Variants in STAU2 observed in about 807,000 individuals in gnomAD.
STAU2 encodes double-stranded RNA-binding protein Staufen homolog 2.
In STAU2, 20 loss-of-function variants were observed where a neutral mutation model predicts 65.9. That is an observed-to-expected ratio of 0.30 (90% CI 0.21 to 0.44). The LOEUF is 0.44. Among genes scored for constraint, STAU2 ranks in the 20% least tolerant of loss-of-function variants. The probability of loss-of-function intolerance (pLI) is 1.00; values close to 1 mark genes in which losing one functional copy is unlikely to be tolerated. For missense variants in STAU2, 558 were observed against 683.9 expected (o/e 0.82, Z 2.05); for synonymous variants, 232 against 233.9 (o/e 0.99, Z 0.07).
At chr8:73,495,176 G>C (rs188300132) in intron 13 of STAU2, among the ~76,000 whole-genome samples, 237 of 151,392 alleles carry the variant, frequency 1.6e-3, no homozygotes, top group African/African-American at 5.2e-3. Flanking sequence ...GGGATGGTTG[G>C]GTGTAATGCA....
chr8:73,471,557 G>A (rs1215360828), intron 13 of STAU2, among the ~76,000 whole-genome samples: 2 of 148,440 alleles, frequency 1.3e-5, no homozygotes, highest in East Asian at 2.0e-4. Flanking sequence ...GGTGGCTCAC[G>A]CCTGTAATCC....
chr8:73,602,630 GGAGGATCTCTT>G, intron 10 of STAU2, among the ~76,000 whole-genome samples: 1 of 151,904 alleles, frequency 6.6e-6, no homozygotes, highest in East Asian at 1.9e-4. Flanking sequence ...GGCTGAAAAG[GGAGGATCTCTT>G]GAGCCCAGGA....
intron 13 of STAU2, among the ~76,000 whole-genome samples, chr8:73,498,654 C>T (rs549379097): frequency 6.6e-6 from 1 of 151,834 alleles, no homozygotes; most frequent in Non-Finnish European, 1.5e-5. Context: ...AAGACAAACA[C>T]ATAGACTAAT....
intron 13 of STAU2, among the ~76,000 whole-genome samples, chr8:73,541,285 C>T (rs141807357): frequency 6.6e-6 from 1 of 152,232 alleles, no homozygotes; most frequent in East Asian, 1.9e-4. Flanking sequence ...TAAGCATAAA[C>T]TCAGCCCAAA....
chr8:73,743,455 C>T (rs547787020), intron 1 of STAU2, among the ~76,000 whole-genome samples: 46 of 145,750 alleles, frequency 3.2e-4, no homozygotes, highest in African/African-American at 1.1e-3. Flanking sequence ...AAAAGACTTG[C>T]CTTCTTTTTA....
At chr8:73,584,452 C>T (rs906771208) in intron 11 of STAU2, among the ~76,000 whole-genome samples, 2 of 152,206 alleles carry the variant, frequency 1.3e-5, no homozygotes, top group African/African-American at 4.8e-5. Flanking sequence ...ATCTCATTTT[C>T]ATCCTCACAA....
At chr8:73,713,647 A>G (rs1236309526) in intron 3 of STAU2, among the ~76,000 whole-genome samples, 1 of 152,064 alleles carries the variant, frequency 6.6e-6, no homozygotes, top group East Asian at 1.9e-4. Flanking sequence ...AAACAACATA[A>G]CTTTCTGGCA....
At position 73,656,335 on chromosome 8, in the gene STAU2, C is replaced by T. The variant is rs970405237; in HGVS notation, c.410+16772G>A. Reference sequence around the variant, plus strand: ...TCAATTTTTTCTATGCCAAAACACACACTGTGATCTACCATCAGAAATTAT... The same window carrying T: ...TCAATTTTTTCTATGCCAAAACACATACTGTGATCTACCATCAGAAATTAT... On this transcript the variant is annotated intron_variant, in intron 6 of 14. Transcript: ENST00000524300. 4.6e-5 allele frequency among the ~76,000 whole-genome samples: 7 copies of T among 152,344 alleles called. No homozygotes were observed. In the East Asian group the frequency reaches 1.2e-3, roughly 25 times the overall value.
chr8:73,534,511 T>C (rs1806055961), intron 13 of STAU2, among the ~76,000 whole-genome samples: 1 of 152,212 alleles, frequency 6.6e-6, no homozygotes, highest in Non-Finnish European at 1.5e-5. Context: ...GTTAGTTCTA[T>C]TTATAACTAA....
At chr8:73,474,654 G>GA (rs368487028) in intron 13 of STAU2, among the ~76,000 whole-genome samples, 14 of 147,248 alleles carry the variant, frequency 9.5e-5, no homozygotes, top group African/African-American at 2.2e-4. Context: ...AGGGGAGGAA[G>GA]AAAAAAAAAA....
chr8:73,479,745 C>T (rs1820515442), intron 13 of STAU2, among the ~76,000 whole-genome samples: 1 of 103,402 alleles, frequency 9.7e-6, no homozygotes, highest in Non-Finnish European at 2.1e-5. Flanking sequence ...GTGTGTAGAC[C>T]TAAAAAGAAC....
chr8:73,678,098 T>C (rs763643167), intron 5 of STAU2, among the ~76,000 whole-genome samples: 4 of 152,200 alleles, frequency 2.6e-5, no homozygotes, highest in Non-Finnish European at 5.9e-5. Flanking sequence ...CAGTACTCAA[T>C]GCACGTGAGT....
chr8:73,654,352 C>T (rs1816129782), intron 6 of STAU2, among the ~76,000 whole-genome samples: 1 of 151,908 alleles, frequency 6.6e-6, no homozygotes, highest in South Asian at 2.1e-4. Flanking sequence ...TATGTTCAAG[C>T]TCAAGACCCT....
chr8:73,660,264 T>C (rs1314137834), intron 6 of STAU2, among the ~76,000 whole-genome samples: 1 of 152,132 alleles, frequency 6.6e-6, no homozygotes, highest in Admixed American at 6.5e-5. Flanking sequence ...ACCCTGTCTC[T>C]ACTAAAAACA....
At chr8:73,537,384 C>G (rs576993178) in intron 13 of STAU2, among the ~76,000 whole-genome samples, 2 of 152,108 alleles carry the variant, frequency 1.3e-5, no homozygotes, top group African/African-American at 4.8e-5. Flanking sequence ...CTTTAAGAAG[C>G]TGGGTAAGCC....
chr8:73,717,938 T>C (rs1232340505), intron 3 of STAU2, among the ~76,000 whole-genome samples: 3 of 152,150 alleles, frequency 2.0e-5, no homozygotes, highest in African/African-American at 7.2e-5. Flanking sequence ...GAAATATAAG[T>C]CTCTTAAATC....
chr8:73,507,908 T>C (rs959830154), intron 13 of STAU2, among the ~76,000 whole-genome samples: 8 of 152,232 alleles, frequency 5.3e-5, no homozygotes, highest in African/African-American at 1.9e-4. Context: ...AACCAACTGC[T>C]GCTAGCTTCT....
chr8:73,672,982 T>G (rs1354904005), intron 6 of STAU2, 125 bp downstream of exon 6: 2 of 895,370 alleles, frequency 2.2e-6, no homozygotes, highest in African/African-American at 3.5e-5. Context: ...CTGCTTTATC[T>G]AAATTCCATG....
chr8:73,653,867 CTTATA>C, intron 6 of STAU2: 2 of 442,312 alleles, frequency 4.5e-6, no homozygotes, highest in Non-Finnish European at 9.0e-6. Context: ...CATGGAACAT[CTTATA>C]ACACTGACTT....
Sources: allele counts gnomAD v4.1 joint callset (sites outside exome capture counted in the v4.1 genomes callset), GRCh38; gene constraint gnomAD v4.1.1; transcripts MANE v1.5; gene names NCBI Gene and HGNC (gene_info 2026-07-23, HGNC 2026-07-21).